DPP10: variants seen among roughly 807,000 people sequenced by gnomAD.
DPP10 encodes dipeptidyl peptidase like 10, also known as inactive dipeptidyl peptidase 10.
In DPP10, 33 loss-of-function variants were observed where a neutral mutation model predicts 120.9. The ratio of observed to expected loss-of-function variants is 0.27; its 90% CI spans 0.21 to 0.37. DPP10 has a LOEUF of 0.37. DPP10 is among the 10% of genes least tolerant of loss of function. The probability of loss-of-function intolerance (pLI) is 1.00; values close to 1 mark genes in which losing one functional copy is unlikely to be tolerated. For missense variants in DPP10, 816 were observed against 942.8 expected (o/e 0.87, Z 1.76); for synonymous variants, 337 against 326.1 (o/e 1.03, Z -0.36).
At chr2:115,557,854 T>C (rs1234071118) in intron 5 of DPP10, among the ~76,000 whole-genome samples, 2 of 152,172 alleles carry the variant, frequency 1.3e-5, no homozygotes, top group African/African-American at 2.4e-5. Context: ...TCTTGGGATT[T>C]TATTTATTGT....
intron 1 of DPP10, among the ~76,000 whole-genome samples, chr2:115,278,912 G>A (rs1237952534): frequency 6.6e-6 from 1 of 152,068 alleles, no homozygotes; most frequent in Non-Finnish European, 1.5e-5. Context: ...ATATATAATA[G>A]TTCAAGCATA....
chr2:115,019,983 C>A (rs775307554), intron 1 of DPP10, among the ~76,000 whole-genome samples: 4 of 152,178 alleles, frequency 2.6e-5, no homozygotes, highest in Non-Finnish European at 5.9e-5. Flanking sequence ...TTTCCCACTA[C>A]CTAGCCCTCA....
intron 2 of DPP10, among the ~76,000 whole-genome samples, chr2:115,325,943 A>G (rs2062338308): frequency 6.6e-6 from 1 of 152,006 alleles, no homozygotes; most frequent in South Asian, 2.1e-4. Context: ...ATCATTGTAG[A>G]GGTTTTTTGC....
At position 115,437,366 on chromosome 2, in the gene DPP10, G is replaced by A. The variant is rs138883378; in HGVS notation, c.272-62144G>A. 5.1e-3 allele frequency among the ~76,000 whole-genome samples: 782 copies of A among 152,092 alleles called. 8 individuals are homozygous for A. Among genetic ancestry groups the A allele is most frequent in the African/African-American group, 0.018 (743 of 41,534 alleles). On this transcript the variant is annotated intron_variant, in intron 3 of 25. Transcript: ENST00000410059. ...ATTTGCCTATTTCTAACTTTATAGA[G>A]AGGATTGAAATTGACCCAGTGCTCC...
In DPP10 at chr2:115,456,945, G is replaced by A. The variant is rs944700657; in HGVS notation, c.272-42565G>A. On this transcript the variant is annotated intron_variant, in intron 3 of 25. Coordinates refer to ENST00000410059, the MANE Select transcript of DPP10 (RefSeq NM_020868.6). ...TAACAAACCTGCACATTCTGCACACGTACCCCAGAACTTAAAGTATAATAA... is the reference window on the plus strand; with the variant it reads ...TAACAAACCTGCACATTCTGCACACATACCCCAGAACTTAAAGTATAATAA... Among the ~76,000 whole-genome samples the A allele has an allele frequency of 3.4e-5, 5 of 146,554 alleles. No individual in the cohort carries two copies. In the East Asian group the frequency reaches 7.9e-4, roughly 23 times the overall value.
At chr2:115,264,361 C>T (rs2059375858) in intron 1 of DPP10, among the ~76,000 whole-genome samples, 1 of 152,082 alleles carries the variant, frequency 6.6e-6, no homozygotes. Context: ...ATCTATGTGT[C>T]TTTTAATCTG....
At chr2:115,284,782 G>A (rs1195631875) in intron 1 of DPP10, among the ~76,000 whole-genome samples, 1 of 151,910 alleles carries the variant, frequency 6.6e-6, no homozygotes, top group African/African-American at 2.4e-5. Flanking sequence ...TAATCAATGG[G>A]ATAAAGGGAT....
intron 1 of DPP10, among the ~76,000 whole-genome samples, chr2:114,895,815 A>C (rs1160225564): frequency 6.6e-6 from 1 of 152,186 alleles, no homozygotes; most frequent in Non-Finnish European, 1.5e-5. Flanking sequence ...ATGTAACCCC[A>C]GGGATTTACT....
intron 1 of DPP10, among the ~76,000 whole-genome samples, chr2:114,689,065 G>A (rs994661097): frequency 1.3e-5 from 2 of 150,390 alleles, no homozygotes; most frequent in African/African-American, 4.9e-5. Flanking sequence ...TTAATTTCTA[G>A]TTTTTTTTTC....
At chr2:114,678,348 C>T (rs937816855) in intron 1 of DPP10, among the ~76,000 whole-genome samples, 12 of 151,988 alleles carry the variant, frequency 7.9e-5, no homozygotes, top group Admixed American at 6.6e-4. Flanking sequence ...CTAAATATTG[C>T]TTTCACTCTA....
intron 1 of DPP10, among the ~76,000 whole-genome samples, chr2:114,653,025 A>AGT (rs753807245): frequency 0.022 from 2,615 of 118,692 alleles, 17 homozygotes; most frequent in Non-Finnish European, 0.028. Flanking sequence ...AGAGAGAGAG[A>AGT]GAGTGTGTGT....
rs78116780 is a variant in DPP10, at chr2:115,403,381, CTTTTTTTTTTTTTTTTTT to C, written c.271+59488_271+59505del. ...TACTTCTCTCTTTCTTTCTTTCCTT[CTTTTTTTTTTTTTTTTTT>C]TTTTTTTTTTTTTTTTTTGATACAG... On this transcript the variant is annotated intron_variant, in intron 3 of 25. Transcript: ENST00000410059. Among the ~76,000 whole-genome samples the C allele has an allele frequency of 6.7e-4, 79 of 118,462 alleles. No homozygotes were observed. In the South Asian group the frequency reaches 9.8e-3, roughly 15 times the overall value. The allele number at this position is 118,462 out of a possible 152,430, so 77.7% of individuals were successfully genotyped here. A position where few individuals can be genotyped will look rare whatever the true frequency, so the allele number is the denominator to read the frequency against.
intron 1 of DPP10, among the ~76,000 whole-genome samples, chr2:115,054,566 C>T (rs1705751946): frequency 6.6e-6 from 1 of 152,178 alleles, no homozygotes; most frequent in South Asian, 2.1e-4. Context: ...AGTTTACTTG[C>T]TTAATTTAAC....
chr2:114,668,850 C>T (rs932764376), intron 1 of DPP10, among the ~76,000 whole-genome samples: 1 of 151,978 alleles, frequency 6.6e-6, no homozygotes, highest in Non-Finnish European at 1.5e-5. Context: ...AAGTTATGCC[C>T]TTTATTATTT....
intron 1 of DPP10, among the ~76,000 whole-genome samples, chr2:114,732,799 C>T (rs553619678): frequency 2.0e-5 from 3 of 152,134 alleles, no homozygotes; most frequent in East Asian, 1.9e-4. Context: ...CTTGCATGTT[C>T]TCATTTAATT....
At chr2:114,940,027 G>T (rs1447504834) in intron 1 of DPP10, among the ~76,000 whole-genome samples, 2 of 152,044 alleles carry the variant, frequency 1.3e-5, no homozygotes, top group African/African-American at 4.8e-5. Context: ...CTCTTCTCTG[G>T]TCTCTTGCAG....
chr2:115,105,422 T>TGAGAGAGAGAGAGA lies in DPP10; in HGVS notation c.61-203795_61-203782dup, dbSNP rs10565038. On this transcript the variant is annotated intron_variant, in intron 1 of 25. Transcript: ENST00000410059. ...AAAGGGGAGCAGATGTGTCACATGG[T>TGAGAGAGAGAGAGA]GAGAGAGAGAGAGAGAGAGAGAGAG... Among the ~76,000 whole-genome samples the TGAGAGAGAGAGAGA allele has an allele frequency of 2.8e-4, 41 of 146,238 alleles. 1 individual carries two copies. The highest frequency in any genetic ancestry group is 6.8e-4 in the African/African-American group (27 of 39,760).
intron 5 of DPP10, among the ~76,000 whole-genome samples, chr2:115,588,706 C>G (rs992817094): frequency 3.9e-5 from 6 of 152,164 alleles, no homozygotes; most frequent in Non-Finnish European, 5.9e-5. Context: ...AGCTTTTTCT[C>G]CCAAACACAA....
chr2:115,752,284 A>C (rs1423337719), intron 10 of DPP10, among the ~76,000 whole-genome samples: 1 of 152,174 alleles, frequency 6.6e-6, no homozygotes, highest in African/African-American at 2.4e-5. Flanking sequence ...AGTTTTTTTA[A>C]GTTTTTATCA....
Sources: gnomAD v4.1 joint callset for allele counts (sites outside exome capture counted in the v4.1 genomes callset) on GRCh38, gnomAD v4.1.1 for gene constraint, MANE v1.5 for transcripts, NCBI Gene and HGNC (gene_info 2026-07-23, HGNC 2026-07-21) for gene names.